SH3PXD2A: variants seen among roughly 807,000 people sequenced by gnomAD.
The protein encoded by SH3PXD2A is SH3 and PX domain-containing protein 2A.
In SH3PXD2A, 32 loss-of-function variants were observed where a neutral mutation model predicts 115.2. The ratio of observed to expected loss-of-function variants is 0.28; its 90% CI spans 0.21 to 0.37. The LOEUF is 0.37. SH3PXD2A is among the 10% of genes least tolerant of loss of function. SH3PXD2A has a pLI of 1.00. For synonymous variants in SH3PXD2A, 610 were observed against 629.1 expected, an observed-to-expected ratio of 0.97 and a Z score of 0.45; for missense variants, 1,328 against 1,498.7, an observed-to-expected ratio of 0.89 and a Z score of 1.88.
chr10:103,722,684 C>A lies in SH3PXD2A; in HGVS notation c.398+1586G>T, dbSNP rs183278266. Among the ~76,000 whole-genome samples, 15 of 151,830 alleles carry A rather than the reference C, an allele frequency of 9.9e-5. No individual in the cohort carries two copies. In the East Asian group the frequency reaches 2.3e-3, roughly 24 times the overall value. On this transcript the variant is annotated intron_variant, in intron 5 of 14. Coordinates refer to ENST00000369774, the MANE Select transcript of SH3PXD2A (RefSeq NM_001394015.1). ...TGTAGAAACTTCGGCCAGCACTGAG[C>A]CACTAGGGACCACAGGAAGGCTTGG...
chr10:103,788,094 C>T (rs995371215), intron 2 of SH3PXD2A, among the ~76,000 whole-genome samples: 7 of 152,142 alleles, frequency 4.6e-5, no homozygotes, highest in African/African-American at 1.4e-4. Context: ...CAGGGAGGAT[C>T]GGAGCCCCTT....
intron 5 of SH3PXD2A, among the ~76,000 whole-genome samples, chr10:103,699,174 G>A (rs1310324842): frequency 6.6e-6 from 1 of 152,160 alleles, no homozygotes; most frequent in Non-Finnish European, 1.5e-5. Flanking sequence ...CCCGGGTTCT[G>A]GGCCCAGCTC....
chr10:103,677,591 T>C (rs539817474), intron 6 of SH3PXD2A, among the ~76,000 whole-genome samples: 3 of 152,312 alleles, frequency 2.0e-5, no homozygotes, highest in Non-Finnish European at 1.5e-5. Flanking sequence ...TCCCTTATCA[T>C]GCCCTGGGCA....
intron 1 of SH3PXD2A, among the ~76,000 whole-genome samples, chr10:103,845,912 T>A (rs564498318): frequency 6.6e-6 from 1 of 152,256 alleles, no homozygotes; most frequent in South Asian, 2.1e-4. Context: ...ACTCCATCAA[T>A]CCCTACCCCA....
chr10:103,615,602 A>T (rs2036507086), intron 11 of SH3PXD2A, among the ~76,000 whole-genome samples: 1 of 151,098 alleles, frequency 6.6e-6, no homozygotes, highest in Non-Finnish European at 1.5e-5. Context: ...GGGAAATGGC[A>T]TATTTAAGGG....
Position 103,600,418 on chromosome 10 carries a change from C to T in SH3PXD2A, c.*1398G>A, listed in dbSNP as rs2036198547. ...TCTTCTTGGGCACCTGTGGCATTGC[C>T]AGCAGGCCAGAGGGGGTGGCTGGCG... On this transcript the variant is annotated 3_prime_UTR_variant, in exon 15 of 15. Transcript: ENST00000369774. 1 of 152,266 alleles carries T rather than the reference C, an allele frequency of 6.6e-6. No homozygotes were observed. The highest frequency in any genetic ancestry group is 1.5e-5 in the Non-Finnish European group (1 of 68,058). 9.4% of individuals were successfully genotyped at this position (152,266 alleles called of 1,614,324 possible).
intron 10 of SH3PXD2A, among the ~76,000 whole-genome samples, chr10:103,619,636 C>T (rs140116944): frequency 6.6e-5 from 10 of 152,276 alleles, no homozygotes; most frequent in South Asian, 4.1e-4. Flanking sequence ...CGCAGCCTCC[C>T]GGGGTGCGTG....
intron 5 of SH3PXD2A, among the ~76,000 whole-genome samples, chr10:103,699,224 A>C (rs1206605719): frequency 6.6e-6 from 1 of 152,204 alleles, no homozygotes; most frequent in Non-Finnish European, 1.5e-5. Context: ...AAGCCACTTC[A>C]AACTAGTGCT....
chr10:103,755,891 C>T (rs2038634862), intron 3 of SH3PXD2A, among the ~76,000 whole-genome samples: 1 of 152,176 alleles, frequency 6.6e-6, no homozygotes, highest in East Asian at 1.9e-4. Context: ...ACACGAGCTT[C>T]GATCTTGACA....
chr10:103,712,323 A>G (rs1335626869), intron 5 of SH3PXD2A, among the ~76,000 whole-genome samples: 2 of 152,230 alleles, frequency 1.3e-5, no homozygotes. Flanking sequence ...GCACGTAGCC[A>G]TCTGCGTGCC....
intron 8 of SH3PXD2A, among the ~76,000 whole-genome samples, chr10:103,633,727 CAAAAAAAAAAAAA>C (rs35917262): frequency 4.3e-4 from 32 of 74,320 alleles, no homozygotes; most frequent in South Asian, 7.0e-4. Context: ...GATTCTGTCT[CAAAAAAAAAAAAA>C]AAAAAAAAAA....
intron 13 of SH3PXD2A, among the ~76,000 whole-genome samples, chr10:103,606,536 G>A (rs1307774171): frequency 1.5e-5 from 2 of 137,564 alleles, no homozygotes; most frequent in East Asian, 4.7e-4. Flanking sequence ...GGTCTCCCTC[G>A]GATGCCGAGC....
chr10:103,692,178 C>T (rs2037760598), intron 6 of SH3PXD2A, among the ~76,000 whole-genome samples: 1 of 152,220 alleles, frequency 6.6e-6, no homozygotes, highest in Non-Finnish European at 1.5e-5. Flanking sequence ...ACACACAGCC[C>T]TAACTCCTAG....
intron 5 of SH3PXD2A, among the ~76,000 whole-genome samples, chr10:103,702,090 C>T (rs1166827496): frequency 6.7e-6 from 1 of 149,308 alleles, no homozygotes; most frequent in Non-Finnish European, 1.5e-5. Flanking sequence ...CATCCATCCA[C>T]CTATCATCCA....
At chr10:103,703,688 C>G (rs1045552808) in intron 5 of SH3PXD2A, among the ~76,000 whole-genome samples, 1 of 152,198 alleles carries the variant, frequency 6.6e-6, no homozygotes, top group Non-Finnish European at 1.5e-5. Context: ...GCGCTGAGCA[C>G]TCAAACACTG....
intron 6 of SH3PXD2A, among the ~76,000 whole-genome samples, chr10:103,690,458 G>A (rs2037736421): frequency 6.6e-6 from 1 of 152,146 alleles, no homozygotes; most frequent in Non-Finnish European, 1.5e-5. Context: ...GATGGGGGAG[G>A]CCGGCAGAGA....
intron 2 of SH3PXD2A, among the ~76,000 whole-genome samples, chr10:103,768,119 T>C (rs1349116355): frequency 1.3e-5 from 2 of 152,198 alleles, no homozygotes; most frequent in Non-Finnish European, 2.9e-5. Context: ...TTTACAGCAC[T>C]GGGCACTAAG....
chr10:103,811,938 G>A (rs542815400), intron 1 of SH3PXD2A, among the ~76,000 whole-genome samples: 1 of 152,324 alleles, frequency 6.6e-6, no homozygotes, highest in African/African-American at 2.4e-5. Flanking sequence ...CTTGGACACT[G>A]TAGGCGCTTA....
At chr10:103,650,809 A>T (rs1035541187) in intron 8 of SH3PXD2A, among the ~76,000 whole-genome samples, 8 of 152,232 alleles carry the variant, frequency 5.3e-5, no homozygotes, top group African/African-American at 1.9e-4. Context: ...GTGCAGAGTG[A>T]AAATGACTGA....
Sources: gnomAD v4.1 joint callset for allele counts (sites outside exome capture counted in the v4.1 genomes callset) on GRCh38, gnomAD v4.1.1 for gene constraint, MANE v1.5 for transcripts, NCBI Gene and HGNC (gene_info 2026-07-23, HGNC 2026-07-21) for gene names.